FER: variants seen among roughly 807,000 people sequenced by gnomAD.
FER encodes the protein FER tyrosine kinase.
A neutral mutation model predicts 111.0 loss-of-function variants in FER; 63 were observed. That is an observed-to-expected ratio of 0.57 (90% CI 0.46 to 0.70). The LOEUF is 0.70. Ranked by LOEUF, FER falls within the 30% of genes least tolerant of loss-of-function variation. The probability of loss-of-function intolerance (pLI) is 0.00; values close to 1 mark genes in which losing one functional copy is unlikely to be tolerated. For synonymous variants in FER, 327 were observed against 313.9 expected (o/e 1.04, Z -0.44); for missense variants, 914 against 954.0 (o/e 0.96, Z 0.55).
chr5:108,810,251 A>G (rs186430103), intron 3 of FER, among the ~76,000 whole-genome samples: 4 of 152,258 alleles, frequency 2.6e-5, no homozygotes, highest in Admixed American at 2.6e-4. Flanking sequence ...AAGCCAGTAC[A>G]TAGCGCTTAT....
intron 13 of FER, chr5:109,014,821 G>A (rs1177456852): frequency 6.6e-6 from 1 of 152,250 alleles, no homozygotes; most frequent in Admixed American, 6.6e-5. Flanking sequence ...TGGATTCCTA[G>A]GTATTTTATT....
intron 16 of FER, among the ~76,000 whole-genome samples, chr5:109,075,563 A>G (rs954681427): frequency 6.6e-6 from 1 of 151,710 alleles, no homozygotes; most frequent in African/African-American, 2.4e-5. Context: ...AGCTGGGACT[A>G]CAGGTGCCTG....
rs993372667 is a variant in FER at position 109,190,758 on chromosome 5, T to C, written c.*3183T>C. On this transcript the variant is annotated 3_prime_UTR_variant, in exon 20 of 20. Transcript: ENST00000281092. ...TTGTTTCTCTTTTATCTCCCAAATTTAATGTGGGCAATAAAATTCTCCTTT... is the reference window on the plus strand; with the variant it reads ...TTGTTTCTCTTTTATCTCCCAAATTCAATGTGGGCAATAAAATTCTCCTTT... 5.9e-5 allele frequency: 9 copies of C among 152,310 alleles called. No homozygotes were observed. Among genetic ancestry groups the C allele is most frequent in the African/African-American group, 2.2e-4 (9 of 41,584 alleles). The allele number at this position is 152,310 out of a possible 1,614,324, so 9.4% of individuals were successfully genotyped here.
At chr5:109,000,497 C>T (rs1764612755) in intron 13 of FER, among the ~76,000 whole-genome samples, 1 of 151,942 alleles carries the variant, frequency 6.6e-6, no homozygotes, top group African/African-American at 2.4e-5. Flanking sequence ...CGGACACATT[C>T]AAAGCAGGGT....
chr5:109,026,231 A>AGTTC (rs1768715990), intron 13 of FER, among the ~76,000 whole-genome samples: 1 of 152,186 alleles, frequency 6.6e-6, no homozygotes, highest in Non-Finnish European at 1.5e-5. Context: ...TACAAGAACT[A>AGTTC]TTTTATGTAG....
chr5:108,877,662 G>A (rs1765226389), intron 8 of FER, among the ~76,000 whole-genome samples: 1 of 152,076 alleles, frequency 6.6e-6, no homozygotes. Context: ...AGTTACCTCA[G>A]GCAACTATAA....
rs1353290368 is a variant in FER, at chr5:108,875,101, A to G, written c.923+2889A>G. Among the ~76,000 whole-genome samples, 4 of 152,244 alleles carry G rather than the reference A, an allele frequency of 2.6e-5. No homozygotes were observed. The Middle Eastern group carries it at 0.01, about 388-fold the overall frequency. On this transcript the variant is annotated intron_variant, in intron 8 of 19. Coordinates refer to ENST00000281092, the MANE Select transcript of FER (RefSeq NM_005246.4). ...CGAAGCATTTTATCGTAATCTCATT[A>G]TTTATCTATCAGCCATATTTATCAA...
intron 10 of FER, among the ~76,000 whole-genome samples, chr5:108,937,309 T>G (rs1394310260): frequency 1.3e-5 from 2 of 151,970 alleles, no homozygotes; most frequent in Non-Finnish European, 2.9e-5. Context: ...AATGGGAAAC[T>G]GATAAAAGGC....
In FER at chr5:108,880,987, A is replaced by G. The variant is rs777679144; in HGVS notation, c.924-2409A>G. ...TTATTTAATGATTCTAAAAAAATCT[A>G]TTCCTGTTATAAGAGATTCAAACAA... On this transcript the variant is annotated intron_variant, in intron 8 of 19. Transcript: ENST00000281092. Among the ~76,000 whole-genome samples the G allele has an allele frequency of 3.9e-5, 6 of 152,244 alleles. No individual in the cohort carries two copies. The South Asian group carries it at 8.3e-4, about 21-fold the overall frequency.
At chr5:108,979,519 C>T (rs1017795196) in intron 13 of FER, among the ~76,000 whole-genome samples, 9 of 152,008 alleles carry the variant, frequency 5.9e-5, no homozygotes, top group Non-Finnish European at 1.0e-4. Context: ...AAATATTACA[C>T]GGCATTACTT....
chr5:108,990,444 G>T (rs1340140893), intron 13 of FER, among the ~76,000 whole-genome samples: 1 of 151,606 alleles, frequency 6.6e-6, no homozygotes, highest in East Asian at 1.9e-4. Context: ...ATCTCTATTG[G>T]TGTATGCATG....
chr5:108,914,765 A>G (rs983521169), intron 10 of FER, among the ~76,000 whole-genome samples: 1 of 152,194 alleles, frequency 6.6e-6, no homozygotes, highest in Non-Finnish European at 1.5e-5. Context: ...GAAGTTGCTG[A>G]TGATTAATTT....
chr5:109,012,052 T>C (rs1766345660), intron 13 of FER, among the ~76,000 whole-genome samples: 2 of 152,222 alleles, frequency 1.3e-5, no homozygotes, highest in Admixed American at 1.3e-4. Flanking sequence ...CCTCAGTCCT[T>C]GATCAAAGTA....
intron 17 of FER, among the ~76,000 whole-genome samples, chr5:109,147,640 G>T (rs552268425): frequency 3.3e-5 from 5 of 152,006 alleles, no homozygotes; most frequent in African/African-American, 9.6e-5. Flanking sequence ...TTTGTTGGCA[G>T]AAAATATTCA....
Position 108,858,766 on chromosome 5 carries a change from ATTT to A in FER, c.482-8984_482-8982del, listed in dbSNP as rs75243334. On this transcript the variant is annotated intron_variant, in intron 5 of 19. Transcript: ENST00000281092. ...ATTTGAGTTGGTAGACAGTTTTTTC[ATTT>A]TTTTTTTTTTTTTTTTCTGTCCTCA... Among the ~76,000 whole-genome samples, 1,130 of 124,708 alleles carry A rather than the reference ATTT, an allele frequency of 9.1e-3. 7 individuals carry two copies. Among genetic ancestry groups the A allele is most frequent in the Middle Eastern group, 0.018 (4 of 226 alleles). The allele number at this position is 124,708 out of a possible 152,430, so 81.8% of individuals were successfully genotyped here. A position where few individuals can be genotyped will look rare whatever the true frequency, so the allele number is the denominator to read the frequency against.
intron 17 of FER, among the ~76,000 whole-genome samples, chr5:109,123,124 G>A (rs907082645): frequency 6.8e-6 from 1 of 147,476 alleles, no homozygotes; most frequent in African/African-American, 2.5e-5. Context: ...TGGTTGTTTT[G>A]TGGTCCCCTC....
At chr5:108,957,442 C>T (rs1035006238) in intron 12 of FER, among the ~76,000 whole-genome samples, 2 of 151,058 alleles carry the variant, frequency 1.3e-5, no homozygotes, top group African/African-American at 4.9e-5. Context: ...ATTAAAAACA[C>T]AAAAAAATAA....
At chr5:109,185,112 T>C (rs1056504622) in intron 18 of FER, among the ~76,000 whole-genome samples, 1 of 152,198 alleles carries the variant, frequency 6.6e-6, no homozygotes, top group African/African-American at 2.4e-5. Context: ...TGGAAAAAAC[T>C]GATCTGCTTC....
intron 13 of FER, among the ~76,000 whole-genome samples, chr5:108,964,868 T>C (rs1486699749): frequency 7.2e-5 from 11 of 152,156 alleles, no homozygotes; most frequent in Admixed American, 7.2e-4. Context: ...AACATTATTT[T>C]TGGAGGCATC....
Sources: allele counts gnomAD v4.1 joint callset (sites outside exome capture counted in the v4.1 genomes callset), GRCh38; gene constraint gnomAD v4.1.1; transcripts MANE v1.5; gene names NCBI Gene and HGNC (gene_info 2026-07-23, HGNC 2026-07-21).